ZNF536: variants seen among roughly 807,000 people sequenced by gnomAD.
ZNF536 encodes the protein zinc finger protein 536.
Under a neutral mutation model 84.5 loss-of-function variants are expected in ZNF536, and 13 were observed. The ratio of observed to expected loss-of-function variants is 0.15; its 90% CI spans 0.10 to 0.24. ZNF536 has a LOEUF of 0.24. Among genes scored for constraint, ZNF536 ranks in the 10% least tolerant of loss-of-function variants. ZNF536 has a pLI of 1.00. For synonymous variants in ZNF536, 811 were observed against 742.5 expected (o/e 1.09, Z -1.50); for missense variants, 1,536 against 1,747.5 (o/e 0.88, Z 2.16).
chr19:30,391,699 A>T (rs1282530464), intron 1 of ZNF536, among the ~76,000 whole-genome samples: 2 of 129,848 alleles, frequency 1.5e-5, no homozygotes, highest in African/African-American at 5.7e-5. Flanking sequence ...GAGAAAGACC[A>T]AGAGAAAGAG....
At chr19:30,428,015 G>T (rs1031543718) in intron 1 of ZNF536, among the ~76,000 whole-genome samples, 18 of 152,206 alleles carry the variant, frequency 1.2e-4, no homozygotes, top group African/African-American at 4.3e-4. Context: ...TTGCTTTTGT[G>T]AATTCCCTGC....
At chr19:30,585,370 T>A (rs2047060214) in intron 1 of ZNF536, among the ~76,000 whole-genome samples, 1 of 152,132 alleles carries the variant, frequency 6.6e-6, no homozygotes, top group Non-Finnish European at 1.5e-5. Flanking sequence ...GAATACTGAA[T>A]GAAGGGATGA....
chr19:30,630,323 C>T (rs940730569), intron 1 of ZNF536, among the ~76,000 whole-genome samples: 18 of 152,288 alleles, frequency 1.2e-4, no homozygotes, highest in African/African-American at 4.1e-4. Context: ...AAAGTAATTG[C>T]ACCAACATAA....
chr19:30,383,799 TTTCTC>T (rs1166883853), intron 1 of ZNF536, among the ~76,000 whole-genome samples: 3 of 148,474 alleles, frequency 2.0e-5, no homozygotes, highest in East Asian at 4.0e-4. Context: ...TTTTCTTTCT[TTTCTC>T]TTTCTTTCTC....
rs527617331 is a variant in ZNF536 at position 30,449,067 on chromosome 19, C to T, written c.2170+3335C>T. 7.9e-5 allele frequency among the ~76,000 whole-genome samples: 12 copies of T among 152,216 alleles called. No homozygotes were observed. In the South Asian group the frequency reaches 1.9e-3, roughly 24 times the overall value. On this transcript the variant is annotated intron_variant, in intron 2 of 4. Transcript: ENST00000355537. ...TGAGAACCAAGCTTAAGATCAACTGCGAAAACTAGGACCTCTGACAAATTG... is the reference window on the plus strand; with the variant it reads ...TGAGAACCAAGCTTAAGATCAACTGTGAAAACTAGGACCTCTGACAAATTG...
chr19:30,423,728 C>T (rs1403994455), intron 1 of ZNF536, among the ~76,000 whole-genome samples: 2 of 152,212 alleles, frequency 1.3e-5, no homozygotes, highest in Non-Finnish European at 2.9e-5. Context: ...GTGCGAAGAG[C>T]ATGCAAGGGC....
chr19:30,682,346 A>G (rs888820765), intron 1 of ZNF536, among the ~76,000 whole-genome samples: 1 of 152,122 alleles, frequency 6.6e-6, no homozygotes, highest in Non-Finnish European at 1.5e-5. Flanking sequence ...ACATGATGAG[A>G]TGTACCGTTC....
intron 1 of ZNF536, among the ~76,000 whole-genome samples, chr19:30,433,365 T>C (rs2051565645): frequency 6.6e-6 from 1 of 152,256 alleles, no homozygotes; most frequent in African/African-American, 2.4e-5. Flanking sequence ...GGCAAGGGTC[T>C]GGTCTTGCTT....
intron 2 of ZNF536, among the ~76,000 whole-genome samples, chr19:30,500,259 T>C (rs2054894726): frequency 6.6e-6 from 1 of 152,212 alleles, no homozygotes; most frequent in Non-Finnish European, 1.5e-5. Flanking sequence ...CCAGTCTCAC[T>C]CCTGGTTCTA....
At chr19:30,416,187 G>A (rs1453826397) in intron 1 of ZNF536, among the ~76,000 whole-genome samples, 4 of 151,750 alleles carry the variant, frequency 2.6e-5, no homozygotes, top group Non-Finnish European at 4.4e-5. Flanking sequence ...TTCTCTGATG[G>A]CTCTATTTCC....
At chr19:30,460,855 G>A (rs1402273534) in intron 2 of ZNF536, among the ~76,000 whole-genome samples, 1 of 152,254 alleles carries the variant, frequency 6.6e-6, no homozygotes, top group East Asian at 1.9e-4. Flanking sequence ...GCGACTCAGG[G>A]TGCAGGGCCT....
At chr19:30,368,767 C>T (rs904933077), upstream of ZNF536, among the ~76,000 whole-genome samples, 4 of 152,152 alleles carry the variant, frequency 2.6e-5, no homozygotes, top group Non-Finnish European at 4.4e-5. Context: ...TCCATGGATT[C>T]GACAGCGGAG....
At chr19:30,252,539 T>C (rs2024675596) in intron 1 of ZNF536, among the ~76,000 whole-genome samples, 1 of 152,148 alleles carries the variant, frequency 6.6e-6, no homozygotes, top group Non-Finnish European at 1.5e-5. Context: ...GGTCTTTTAC[T>C]GTGTTTTCTG....
chr19:30,623,040 G>GTTTTTTTTTTTTTTTTTTTTTT (rs778168856), intron 1 of ZNF536, among the ~76,000 whole-genome samples: 7 of 99,302 alleles, frequency 7.0e-5, no homozygotes, highest in Non-Finnish European at 8.7e-5. Context: ...TTGTTTTTTT[G>GTTTTTTTTTTTTTTTTTTTTTT]TTTTTTTGTT....
At chr19:30,636,017 C>T (rs1337488406) in intron 1 of ZNF536, among the ~76,000 whole-genome samples, 2 of 152,162 alleles carry the variant, frequency 1.3e-5, no homozygotes, top group Admixed American at 6.5e-5. Context: ...CAACGTTTTC[C>T]AGAAGGGTCT....
At chr19:30,282,073 G>C (rs917997063) in intron 1 of ZNF536, among the ~76,000 whole-genome samples, 1 of 152,208 alleles carries the variant, frequency 6.6e-6, no homozygotes, top group African/African-American at 2.4e-5. Context: ...CCTGCATCAC[G>C]AGAGCATCTG....
chr19:30,510,591 G>A (rs1432516346), intron 2 of ZNF536, among the ~76,000 whole-genome samples: 1 of 152,220 alleles, frequency 6.6e-6, no homozygotes, highest in African/African-American at 2.4e-5. Context: ...CGCGGGGATC[G>A]CTGCTTCCCT....
chr19:30,359,168 C>G (rs536269587), intron 3 of ZNF536, among the ~76,000 whole-genome samples: 1 of 152,288 alleles, frequency 6.6e-6, no homozygotes, highest in East Asian at 1.9e-4. Flanking sequence ...TTGTTGGTAA[C>G]AAATTCAAGT....
intron 1 of ZNF536, among the ~76,000 whole-genome samples, chr19:30,701,514 AAC>A (rs1348645236): frequency 1.2e-5 from 1 of 84,586 alleles, no homozygotes; most frequent in Non-Finnish European, 2.9e-5. Flanking sequence ...AAAACTCACA[AAC>A]ACACAGACAC....
Sources: gnomAD v4.1 joint callset for allele counts (sites outside exome capture counted in the v4.1 genomes callset) on GRCh38, gnomAD v4.1.1 for gene constraint, MANE v1.5 for transcripts, NCBI Gene and HGNC (gene_info 2026-07-23, HGNC 2026-07-21) for gene names.